ADAMTS18: variants seen among roughly 807,000 people sequenced by gnomAD.
The protein encoded by ADAMTS18 is ADAM metallopeptidase with thrombospondin type 1 motif 18.
ADAMTS18 carries 157 observed loss-of-function variants against 165.9 expected under a neutral mutation model. The ratio of observed to expected loss-of-function variants is 0.95; its 90% CI spans 0.83 to 1.08. The LOEUF (loss-of-function observed/expected upper bound fraction) is 1.08. Ranked by LOEUF, ADAMTS18 falls within the 50% of genes least tolerant of loss-of-function variation. The pLI is 0.00. For synonymous variants in ADAMTS18, 782 were observed against 578.2 expected (o/e 1.35, Z -5.06); for missense variants, 2,040 against 1,534.0 (o/e 1.33, Z -5.51).
chr16:77,406,980 T>C (rs1280816476), intron 3 of ADAMTS18, among the ~76,000 whole-genome samples: 1 of 152,002 alleles, frequency 6.6e-6, no homozygotes, highest in Non-Finnish European at 1.5e-5. Context: ...AAAAACTACC[T>C]ATTGGGTACT....
chr16:77,356,055 C>T lies in ADAMTS18; in HGVS notation c.1345G>A (p.Glu449Lys). 6.2e-7 allele frequency: 1 copy of T among 1,614,058 alleles called. No individual in the cohort carries two copies. ...GHNFGMIHDGEGNPCRKAEGN... is the reference protein window; with the variant it reads ...GHNFGMIHDGKGNPCRKAEGN... ...TCAGCCTTTCTGCAGGGATTCCCTTCTCCATCGTGAATCATACCAAAGCTG... is the reference window on the plus strand; with the variant it reads ...TCAGCCTTTCTGCAGGGATTCCCTTTTCCATCGTGAATCATACCAAAGCTG... The change falls in exon 9 of 23, where the codon GAA becomes AAA. Residue 449 changes from glutamate to lysine, a missense_variant. Coordinates refer to ENST00000282849, the MANE Select transcript of ADAMTS18 (RefSeq NM_199355.4).
intron 3 of ADAMTS18, among the ~76,000 whole-genome samples, chr16:77,392,043 G>C (rs2057194617): frequency 6.6e-6 from 1 of 151,682 alleles, no homozygotes; most frequent in African/African-American, 2.4e-5. Flanking sequence ...AAGACGCCCA[G>C]TCATTGTGCA....
chr16:77,390,167 G>T (rs537423660), intron 3 of ADAMTS18, among the ~76,000 whole-genome samples: 1 of 152,116 alleles, frequency 6.6e-6, no homozygotes, highest in Admixed American at 6.6e-5. Context: ...AAATCAATCA[G>T]AAGCTATTGC....
chr16:77,284,787 G>A (rs1013554154), intron 22 of ADAMTS18, among the ~76,000 whole-genome samples: 22 of 152,202 alleles, frequency 1.4e-4, no homozygotes, highest in South Asian at 6.2e-4. Context: ...CACTAGTACC[G>A]CTGGTTCTGA....
At chr16:77,320,622 G>A (rs1377218346) in intron 15 of ADAMTS18, among the ~76,000 whole-genome samples, 4 of 117,104 alleles carry the variant, frequency 3.4e-5, no homozygotes, top group South Asian at 3.6e-4. Context: ...CTGGGTGACA[G>A]AGCAAGACTC....
intron 15 of ADAMTS18, 86 bp from the exon 16 acceptor site, chr16:77,320,179 G>C: frequency 1.3e-6 from 2 of 1,498,286 alleles, no homozygotes; most frequent in East Asian, 4.5e-5. Context: ...GTAGTGTTCA[G>C]TTTTATAGAG....
At chr16:77,434,529 C>G in intron 1 of ADAMTS18, 24 bp from the exon 2 acceptor site, 1 of 1,542,980 alleles carries the variant, frequency 6.5e-7, no homozygotes, top group Non-Finnish European at 8.7e-7. Context: ...GGTGACATCG[C>G]GCGTGAGGGG....
At chr16:77,330,430 C>T (rs1001542231) in intron 12 of ADAMTS18, among the ~76,000 whole-genome samples, 1 of 152,154 alleles carries the variant, frequency 6.6e-6, no homozygotes, top group African/African-American at 2.4e-5. Context: ...CTGACTCTGC[C>T]ATTACCAGCA....
chr16:77,351,919 A>C (rs970811343), intron 10 of ADAMTS18, among the ~76,000 whole-genome samples: 27 of 152,086 alleles, frequency 1.8e-4, no homozygotes, highest in Non-Finnish European at 4.4e-5. Context: ...TTTTTTGTAA[A>C]GAGAGGGTCT....
chr16:77,325,539 G>T (rs923770483), intron 13 of ADAMTS18, among the ~76,000 whole-genome samples: 1 of 152,062 alleles, frequency 6.6e-6, no homozygotes, highest in African/African-American at 2.4e-5. Context: ...GGTCTGGACA[G>T]TTCATACCAA....
At chr16:77,415,009 T>G (rs748141715) in intron 3 of ADAMTS18, among the ~76,000 whole-genome samples, 1 of 152,026 alleles carries the variant, frequency 6.6e-6, no homozygotes, top group Non-Finnish European at 1.5e-5. Flanking sequence ...CACAGAGAGG[T>G]GAGTAATAAC....
chr16:77,340,415 T>A (rs2144685446), intron 11 of ADAMTS18, among the ~76,000 whole-genome samples: 1 of 152,250 alleles, frequency 6.6e-6, no homozygotes, highest in Non-Finnish European at 1.5e-5. Flanking sequence ...CCTCAAGGGA[T>A]CCACCCACCT....
At chr16:77,314,319 T>A (rs375573516) in intron 16 of ADAMTS18, among the ~76,000 whole-genome samples, 7 of 152,108 alleles carry the variant, frequency 4.6e-5, no homozygotes, top group African/African-American at 1.7e-4. Context: ...TCCATTTTAA[T>A]ATTATACATG....
chr16:77,420,002 TAAAAAAAA>T (rs34486248), intron 3 of ADAMTS18, among the ~76,000 whole-genome samples: 1 of 91,290 alleles, frequency 1.1e-5, no homozygotes, highest in Admixed American at 1.5e-4. Context: ...TGTCGCAGAT[TAAAAAAAA>T]AAAAAAAAAA....
At chr16:77,296,278 A>G (rs1567460349) in intron 18 of ADAMTS18, among the ~76,000 whole-genome samples, 1 of 152,142 alleles carries the variant, frequency 6.6e-6, no homozygotes, top group Non-Finnish European at 1.5e-5. Flanking sequence ...TCAATCCAAG[A>G]ACAAACTCAC....
intron 10 of ADAMTS18, among the ~76,000 whole-genome samples, chr16:77,348,061 G>C (rs906217728): frequency 6.6e-6 from 1 of 152,048 alleles, no homozygotes; most frequent in African/African-American, 2.4e-5. Context: ...AATTTTCTAA[G>C]AGTTCATTCA....
intron 16 of ADAMTS18, among the ~76,000 whole-genome samples, chr16:77,308,620 G>T (rs1291956439): frequency 6.7e-6 from 1 of 149,428 alleles, no homozygotes; most frequent in South Asian, 2.1e-4. Flanking sequence ...AATCCTTATT[G>T]CCAAGGTCTC....
intron 3 of ADAMTS18, among the ~76,000 whole-genome samples, chr16:77,374,549 C>A (rs1381834785): frequency 1.3e-5 from 2 of 152,112 alleles, no homozygotes; most frequent in Non-Finnish European, 2.9e-5. Context: ...AAGTCCCTCA[C>A]AGAATAGAAG....
Position 77,348,512 on chromosome 16 carries a change from C to A in ADAMTS18, c.1614+5221G>T, listed in dbSNP as rs547792323. On this transcript the variant is annotated intron_variant, in intron 10 of 22. Coordinates refer to ENST00000282849, the MANE Select transcript of ADAMTS18 (RefSeq NM_199355.4). ...GATGCTGAGACAGTACTGTGGCATG[C>A]CTGCTCAGATATAGTCTTAAACTGG... 1.5e-3 allele frequency among the ~76,000 whole-genome samples: 225 copies of A among 152,294 alleles called. 1 individual carries two copies. The highest frequency in any genetic ancestry group is 5.1e-3 in the African/African-American group (213 of 41,558).
Sources: gnomAD v4.1 joint callset for allele counts (sites outside exome capture counted in the v4.1 genomes callset) on GRCh38, gnomAD v4.1.1 for gene constraint, MANE v1.5 for transcripts, NCBI Gene and HGNC (gene_info 2026-07-23, HGNC 2026-07-21) for gene names.